The following CTNNA3 variants were observed in gnomAD, a reference collection of about 807,000 sequenced individuals.
CTNNA3 encodes the protein catenin alpha-3.
A neutral mutation model predicts 95.7 loss-of-function variants in CTNNA3; 76 were observed. The observed-to-expected ratio is 0.79, with a 90% CI of 0.66 to 0.96. The LOEUF (loss-of-function observed/expected upper bound fraction) is 0.96, where lower values mean the gene tolerates loss of function less well. Among genes scored for constraint, CTNNA3 ranks in the 40% least tolerant of loss-of-function variants. The pLI is 0.00. For synonymous variants in CTNNA3, 431 were observed against 374.4 expected (o/e 1.15, Z -1.74); for missense variants, 1,191 against 1,089.8 (o/e 1.09, Z -1.31).
chr10:67,625,781 T>A (rs1170595364), intron 2 of CTNNA3, among the ~76,000 whole-genome samples: 1 of 152,218 alleles, frequency 6.6e-6, no homozygotes, highest in African/African-American at 2.4e-5. Context: ...GTCTAATGGC[T>A]AGGATTCCAC....
At chr10:66,294,257 G>C (rs554860692) in intron 12 of CTNNA3, among the ~76,000 whole-genome samples, 2 of 152,216 alleles carry the variant, frequency 1.3e-5, no homozygotes, top group African/African-American at 4.8e-5. Context: ...TAATTAATTT[G>C]TCTGAGAAGT....
intron 6 of CTNNA3, among the ~76,000 whole-genome samples, chr10:67,216,443 G>A (rs572819999): frequency 4.1e-4 from 62 of 152,124 alleles, no homozygotes; most frequent in Admixed American, 2.1e-3. Flanking sequence ...ACTTTCAGTC[G>A]GAGGAAGGAG....
chr10:66,437,873 G>A (rs553919322), intron 11 of CTNNA3, among the ~76,000 whole-genome samples: 98 of 152,214 alleles, frequency 6.4e-4, no homozygotes, highest in Middle Eastern at 3.4e-3. Context: ...ATCTTTGGAT[G>A]GGGTTTTTGC....
chr10:67,242,444 G>C (rs947678552), intron 5 of CTNNA3, among the ~76,000 whole-genome samples: 5 of 152,192 alleles, frequency 3.3e-5, no homozygotes, highest in African/African-American at 7.2e-5. Flanking sequence ...CTGCTATAAG[G>C]TGTGACTTTA....
Position 66,355,111 on chromosome 10 carries a change from A to G in CTNNA3, c.1732+24041T>C, listed in dbSNP as rs1388906752. 1.3e-5 allele frequency among the ~76,000 whole-genome samples: 2 copies of G among 152,144 alleles called. 1 individual carries two copies. The highest frequency in any genetic ancestry group is 2.9e-5 in the Non-Finnish European group (2 of 67,992). ...TCATCATCAAACATACCTGAGAGTC[A>G]TGACAAAGTGAGTTTGGTTAAGTAG... On this transcript the variant is annotated intron_variant, in intron 12 of 17. Transcript: ENST00000433211.
rs762065554 is a variant in CTNNA3 at position 66,926,559 on chromosome 10, G to A, written c.1048-151035C>T. On this transcript the variant is annotated intron_variant, in intron 7 of 17. Transcript: ENST00000433211. ...CCCTAAGCCAAAGCAAAAGACCTAA[G>A]GACGACCTTTGAACAATACAAAGGA... is the stretch of plus-strand genomic sequence containing the variant. The A allele has an allele frequency of 8.1e-6, 13 of 1,613,668 alleles. No homozygotes were observed. In the South Asian group the frequency reaches 1.3e-4, roughly 16 times the overall value.
At chr10:67,192,907 T>G (rs2132180168) in intron 6 of CTNNA3, among the ~76,000 whole-genome samples, 1 of 152,030 alleles carries the variant, frequency 6.6e-6, no homozygotes, top group South Asian at 2.1e-4. Flanking sequence ...ATACAACCAC[T>G]TACAATAGAA....
chr10:66,965,257 C>T lies in CTNNA3; in HGVS notation c.1048-189733G>A, dbSNP rs1339363419. Reference sequence around the variant, plus strand: ...GTTTTTTTGTTTGTTTGTTTTTTGGCTCGGCATGGTGGCTCATGCCTGTAA... The same window carrying T: ...GTTTTTTTGTTTGTTTGTTTTTTGGTTCGGCATGGTGGCTCATGCCTGTAA... On this transcript the variant is annotated intron_variant, in intron 7 of 17. Transcript: ENST00000433211. Among the ~76,000 whole-genome samples, 7 of 152,126 alleles carry T rather than the reference C, an allele frequency of 4.6e-5. No individual in the cohort carries two copies. In the East Asian group the frequency reaches 1.4e-3, roughly 29 times the overall value.
At chr10:66,529,734 C>T (rs1388670132) in intron 10 of CTNNA3, among the ~76,000 whole-genome samples, 1 of 152,068 alleles carries the variant, frequency 6.6e-6, no homozygotes, top group Non-Finnish European at 1.5e-5. Flanking sequence ...TGAGAAAGAT[C>T]TTATCAGTAT....
At chr10:66,201,225 C>T (rs910647403) in intron 13 of CTNNA3, among the ~76,000 whole-genome samples, 5 of 152,256 alleles carry the variant, frequency 3.3e-5, no homozygotes, top group African/African-American at 1.2e-4. Flanking sequence ...AGTTTAGTTG[C>T]ATCATTATTA....
intron 17 of CTNNA3, among the ~76,000 whole-genome samples, chr10:65,945,528 C>G (rs1294745849): frequency 6.6e-6 from 1 of 152,100 alleles, no homozygotes; most frequent in Non-Finnish European, 1.5e-5. Flanking sequence ...CTAGGGTTGT[C>G]TATTTCAGAA....
At chr10:66,098,586 C>A (rs1244766420) in intron 14 of CTNNA3, 1 of 152,140 alleles carries the variant, frequency 6.6e-6, no homozygotes, top group Non-Finnish European at 1.5e-5. Flanking sequence ...TTAGGACTTA[C>A]AAACATCTTA....
At chr10:67,092,099 C>A (rs551799568) in intron 7 of CTNNA3, among the ~76,000 whole-genome samples, 2 of 152,000 alleles carry the variant, frequency 1.3e-5, no homozygotes, top group South Asian at 4.2e-4. Flanking sequence ...AGGACTACAT[C>A]TAAAAAACTG....
intron 1 of CTNNA3, among the ~76,000 whole-genome samples, chr10:67,660,528 T>C (rs779447669): frequency 2.0e-5 from 3 of 152,188 alleles, no homozygotes; most frequent in Non-Finnish European, 2.9e-5. Flanking sequence ...TCATCTTTCA[T>C]AGCAAGAGAT....
chr10:67,187,676 C>T (rs548122126), intron 6 of CTNNA3, among the ~76,000 whole-genome samples: 16 of 152,192 alleles, frequency 1.1e-4, no homozygotes, highest in Admixed American at 9.2e-4. Flanking sequence ...GCCTTGACCT[C>T]CCCAACTCAG....
intron 9 of CTNNA3, among the ~76,000 whole-genome samples, chr10:66,761,694 C>T (rs762179238): frequency 2.0e-5 from 3 of 151,840 alleles, no homozygotes; most frequent in South Asian, 2.1e-4. Flanking sequence ...GGCATTCTTC[C>T]GAATAATAGT....
intron 7 of CTNNA3, among the ~76,000 whole-genome samples, chr10:66,803,689 A>T (rs1413075081): frequency 2.0e-5 from 3 of 152,086 alleles, no homozygotes; most frequent in African/African-American, 2.4e-5. Context: ...TTTACAGATG[A>T]GCAACTGAAG....
intron 5 of CTNNA3, among the ~76,000 whole-genome samples, chr10:67,278,458 C>T (rs111835967): frequency 0.16 from 23,651 of 152,026 alleles, 2,698 homozygotes; most frequent in South Asian, 0.32. Flanking sequence ...GCTTCCAGGC[C>T]ATAGGTGAAT....
intron 13 of CTNNA3, among the ~76,000 whole-genome samples, chr10:66,222,638 G>GAAAGA (rs2089020126): frequency 9.7e-6 from 1 of 103,084 alleles, no homozygotes; most frequent in Non-Finnish European, 2.3e-5. Flanking sequence ...AAGAAAGAAA[G>GAAAGA]AAAGAAAAGA....
Sources: allele counts gnomAD v4.1 joint callset (sites outside exome capture counted in the v4.1 genomes callset), GRCh38; gene constraint gnomAD v4.1.1; transcripts MANE v1.5; gene names NCBI Gene and HGNC (gene_info 2026-07-23, HGNC 2026-07-21).